The following STK11IP variants were observed in gnomAD, a reference collection of about 807,000 sequenced individuals.
The protein encoded by STK11IP is serine/threonine kinase 11 interacting protein.
A neutral mutation model predicts 131.7 loss-of-function variants in STK11IP; 103 were observed. The observed-to-expected ratio is 0.78, with a 90% CI of 0.67 to 0.92. STK11IP has a LOEUF of 0.92. Among genes scored for constraint, STK11IP ranks in the 40% least tolerant of loss-of-function variants. STK11IP has a pLI of 0.00. For missense variants in STK11IP, 1,315 were observed against 1,385.7 expected (o/e 0.95, Z 0.81); for synonymous variants, 557 against 575.6 (o/e 0.97, Z 0.46).
At chr2:219,600,299 G>A (rs1490307478) in intron 2 of STK11IP, among the ~76,000 whole-genome samples, 1 of 151,764 alleles carries the variant, frequency 6.6e-6, no homozygotes, top group Non-Finnish European at 1.5e-5. Context: ...TAGTGGAGAC[G>A]GGGTTTCACC....
At chr2:219,606,420 G>A in intron 10 of STK11IP, 56 bp from the exon 11 acceptor site, 1 of 1,583,168 alleles carries the variant, frequency 6.3e-7, no homozygotes, top group Non-Finnish European at 8.6e-7. Context: ...TTAATACCTG[G>A]AGCTCAGCAG....
At chr2:219,609,271 A>G (rs1355709467) in intron 16 of STK11IP, 58 bp downstream of exon 16, 1 of 1,575,216 alleles carries the variant, frequency 6.3e-7, no homozygotes, top group East Asian at 2.3e-5. Flanking sequence ...AGCCAGAGGG[A>G]AGTGGCAGCA....
chr2:219,600,487 A>G (rs1036887988), intron 2 of STK11IP, among the ~76,000 whole-genome samples: 6 of 152,160 alleles, frequency 3.9e-5, no homozygotes, highest in Non-Finnish European at 8.8e-5. Context: ...ACCTTTCTGT[A>G]TTATTTCTGC....
intron 7 of STK11IP, 74 bp from the exon 8 acceptor site, chr2:219,605,534 A>G: frequency 6.7e-7 from 1 of 1,495,876 alleles, no homozygotes; most frequent in South Asian, 1.2e-5. Flanking sequence ...GGCCTAGTCC[A>G]GAAGAGGTCT....
In STK11IP at chr2:219,608,099, A is replaced by T. The variant is rs1197475139; in HGVS notation, c.1272A>T (p.Glu424Asp). 6.2e-7 allele frequency: 1 copy of T among 1,612,962 alleles called. No individual in the cohort carries two copies. Among genetic ancestry groups the T allele is most frequent in the Admixed American group, 1.7e-5 (1 of 60,010 alleles). The change falls in exon 14 of 25, where the codon GAA becomes GAT. Residue 424 changes from glutamate to aspartate, a missense_variant. Physicochemically the swap from Glu to Asp is conservative, Grantham distance 45. Coordinates refer to ENST00000456909, the MANE Select transcript of STK11IP (RefSeq NM_052902.4). Reference sequence around the variant, plus strand: ...TGGAGCTCATGAGCAGCTTCCGGGAACGGTTCGGCCGCAACTGGCTGCAGT... The same window carrying T: ...TGGAGCTCATGAGCAGCTTCCGGGATCGGTTCGGCCGCAACTGGCTGCAGT... ...PELELMSSFR[E>D]RFGRNWLQYR...
rs1244387376 is a variant in STK11IP, at chr2:219,615,195, G to A, written c.2971G>A (p.Ala991Thr). The A allele has an allele frequency of 1.3e-6, 2 of 1,597,194 alleles. No homozygotes were observed. The highest frequency in any genetic ancestry group is 1.7e-6 in the Non-Finnish European group (2 of 1,175,096). ...CCCGGCAGAGCCCTCTCCTCCAGCA[G>A]CATCTGGCGAAGCCTCTGAGAAGGT... Reference protein sequence around the residue: ...GSPAEPSPPAASGEASEKVPP... With the variant: ...GSPAEPSPPATSGEASEKVPP... The change falls in exon 24 of 25, where the codon GCA becomes ACA. Residue 991 changes from alanine to threonine, a missense_variant. Physicochemically the swap from Ala to Thr is moderately conservative, Grantham distance 58 (BLOSUM62 0). Coordinates refer to ENST00000456909, the MANE Select transcript of STK11IP (RefSeq NM_052902.4).
intron 7 of STK11IP, among the ~76,000 whole-genome samples, chr2:219,604,877 T>C (rs545289984): frequency 1.3e-5 from 2 of 152,220 alleles, no homozygotes; most frequent in Admixed American, 6.5e-5. Context: ...TTGCCCAGGC[T>C]GGAGTGCAAT....
chr2:219,605,165 G>T (rs1698110595), intron 7 of STK11IP, among the ~76,000 whole-genome samples: 1 of 152,188 alleles, frequency 6.6e-6, no homozygotes, highest in African/African-American at 2.4e-5. Flanking sequence ...CGGGGAGTGG[G>T]CAGGGGAATG....
In STK11IP at chr2:219,611,024, C is replaced by T. The variant is rs2106162673; in HGVS notation, c.2105-580C>T. Among the ~76,000 whole-genome samples, 2 of 152,316 alleles carry T rather than the reference C, an allele frequency of 1.3e-5. 1 individual carries two copies. The highest frequency in any genetic ancestry group is 4.1e-4 in the South Asian group (2 of 4,832). ...GGTGTAGCTGCTCAGAGTGCTGCCT[C>T]TCTCATTGCTGATCCATGTCCTGAT... On this transcript the variant is annotated intron_variant, in intron 17 of 24. Transcript: ENST00000456909.
intron 2 of STK11IP, 71 bp from the exon 3 acceptor site, chr2:219,601,164 C>A: frequency 1.5e-6 from 2 of 1,325,326 alleles, no homozygotes; most frequent in Non-Finnish European, 2.1e-6. Context: ...ATTTTGGCAT[C>A]ATAGAGCCTT....
At position 219,608,899 on chromosome 2, in the gene STK11IP, C is replaced by T. The variant is rs563731976; in HGVS notation, c.1809+111C>T. 307 of 1,264,634 alleles carry T rather than the reference C, an allele frequency of 2.4e-4. 4 individuals carry two copies. In the South Asian group the frequency reaches 4.0e-3, roughly 16 times the overall value. The allele number at this position is 1,264,634 out of a possible 1,614,324, so 78.3% of individuals were successfully genotyped here. A position where few individuals can be genotyped will look rare whatever the true frequency, so the allele number is the denominator to read the frequency against. On this transcript the variant is annotated intron_variant, in intron 15 of 24. Transcript: ENST00000456909. ...TCAGTCTCTCCTTGGCACTAGGAGC[C>T]GAGGAGGGGAGCCTCAGAGGTTGCA...
chr2:219,598,092 A>AG lies in STK11IP; in HGVS notation c.-26dup, dbSNP rs1228988780. On this transcript the variant is annotated splice_acceptor_variant, in intron 1 of 24. Coordinates refer to ENST00000456909, the MANE Select transcript of STK11IP (RefSeq NM_052902.4). LOFTEE classifies it low-confidence loss of function (5UTR_SPLICE). Reference sequence around the variant, plus strand: ...TCTTCCGCTTCCTCTTTCCCCCCCCAGGCTCCGCCCCCCAGCGTCCCGTGG... The same window carrying AG: ...TCTTCCGCTTCCTCTTTCCCCCCCCAGGGCTCCGCCCCCCAGCGTCCCGTGG... 1.3e-6 allele frequency: 2 copies of AG among 1,570,850 alleles called. No individual in the cohort carries two copies. The highest frequency in any genetic ancestry group is 2.8e-5 in the African/African-American group (2 of 72,224).
At position 219,615,184 on chromosome 2, in the gene STK11IP, C is replaced by A; in HGVS notation, c.2960C>A (p.Ser987Tyr). 6.3e-7 allele frequency: 1 copy of A among 1,599,608 alleles called. No homozygotes were observed. ...EDAAGSPAEP[S>Y]PPAASGEASE... ...GCTGCAGGGTCCCCGGCAGAGCCCT[C>A]TCCTCCAGCAGCATCTGGCGAAGCC... The change falls in exon 24 of 25, where the codon TCT (serine) becomes TAT (tyrosine). Residue 987 changes from serine to tyrosine, a missense_variant. Coordinates refer to ENST00000456909, the MANE Select transcript of STK11IP (RefSeq NM_052902.4).
chr2:219,606,756 C>T lies in STK11IP; in HGVS notation c.1032C>T (p.Pro344=). 3.1e-6 allele frequency: 5 copies of T among 1,613,754 alleles called. No individual in the cohort carries two copies. The change falls in exon 12 of 25, where the codon CCC becomes CCT. Residue 344 remains proline, a synonymous_variant. Transcript: ENST00000456909. ...TCAGCCCCATGGGCCCACCTTTGCC[C>T]TGGCCAGTGGGGAGTACTCCTGAAA... ...LGLSPMGPPL[P]WPVGSTPETS...
rs762648574 is a variant in STK11IP at position 219,606,335 on chromosome 2, A to G, written c.945+45A>G. 5.8e-6 allele frequency: 9 copies of G among 1,548,566 alleles called. 1 individual carries two copies. The South Asian group carries it at 8.3e-5, about 14-fold the overall frequency. On this transcript the variant is annotated intron_variant, in intron 10 of 24. Transcript: ENST00000456909. Reference sequence around the variant, plus strand: ...CCACTCTTCTTCCCCTTTCCTGCCCAGTCCTCCCCCACCTTGCACCCTCTT... The same window carrying G: ...CCACTCTTCTTCCCCTTTCCTGCCCGGTCCTCCCCCACCTTGCACCCTCTT...
chr2:219,613,647 C>T (rs1698478989), intron 20 of STK11IP, 105 bp from the exon 21 acceptor site: 18 of 1,318,456 alleles, frequency 1.4e-5, no homozygotes, highest in Admixed American at 5.3e-5. Context: ...GGTGAGCGCA[C>T]GGGGGTGATG....
At chr2:219,613,670 C>A in intron 20 of STK11IP, 82 bp from the exon 21 acceptor site, 3 of 1,529,630 alleles carry the variant, frequency 2.0e-6, no homozygotes, top group Non-Finnish European at 2.7e-6. Flanking sequence ...GTGAGTGAGG[C>A]AGGTGCAGCT....
intron 7 of STK11IP, 72 bp from the exon 8 acceptor site, chr2:219,605,536 A>C: frequency 1.3e-6 from 2 of 1,504,872 alleles, no homozygotes; most frequent in Non-Finnish European, 1.8e-6. Context: ...CCTAGTCCAG[A>C]AGAGGTCTCA....
chr2:219,602,815 C>A, intron 7 of STK11IP, 39 bp downstream of exon 7: 1 of 1,569,180 alleles, frequency 6.4e-7, no homozygotes, highest in Non-Finnish European at 8.7e-7. Flanking sequence ...CACCATGGGT[C>A]TTTGATTGCT....
Sources: allele counts gnomAD v4.1 joint callset (sites outside exome capture counted in the v4.1 genomes callset), GRCh38; gene constraint gnomAD v4.1.1; transcripts MANE v1.5; gene names NCBI Gene and HGNC (gene_info 2026-07-23, HGNC 2026-07-21).